The following NHSL2 variants were observed in gnomAD, a reference collection of about 807,000 sequenced individuals.
NHSL2 encodes the protein NHS like 2.
A neutral mutation model predicts 53.4 loss-of-function variants in NHSL2; 27 were observed. That is an observed-to-expected ratio of 0.51 (90% confidence interval 0.37 to 0.70). NHSL2 has a LOEUF of 0.70. Ranked by LOEUF, NHSL2 falls within the 30% of genes least tolerant of loss-of-function variation. The probability of loss-of-function intolerance (pLI) is 0.00; values close to 1 mark genes in which losing one functional copy is unlikely to be tolerated. For synonymous variants in NHSL2, 408 were observed against 404.1 expected, an observed-to-expected ratio of 1.01 and a Z score of -0.12; for missense variants, 892 against 980.1, an observed-to-expected ratio of 0.91 and a Z score of 1.20.
intron 1 of NHSL2, chrX:72,131,247 A>G (rs1378409887): frequency 5.0e-6 from 6 of 1,197,728 alleles, no homozygotes; most frequent in Non-Finnish European, 5.6e-6. Context: ...CATCCGAGAT[A>G]CAGTCGGGCT....
In NHSL2 at chrX:72,047,884, A is replaced by G. The variant is rs188300944; in HGVS notation, c.281-84195A>G. ...GGAGGTAAGGGTTGCCAACTCCACT[A>G]AGCAGAGGGATGTACTCTGAGGGCT... On this transcript the variant is annotated intron_variant, in intron 1 of 7. Transcript: ENST00000633930. 2.0e-3 allele frequency among the ~76,000 whole-genome samples: 221 copies of G among 110,056 alleles called. 1 individual carries two copies. The highest frequency in any genetic ancestry group is 7.0e-4 in the Non-Finnish European group (37 of 52,705).
rs2042491859 is a variant in NHSL2, at chrX:72,149,278, G to C, written c.*5704G>C. ...GTGTTAAGTTTGTTTGGTATTGCCA[G>C]CTCTTAAATACCTGTCTTTACCGTG... On this transcript the variant is annotated 3_prime_UTR_variant, in exon 8 of 8. Transcript: ENST00000633930. 1 of 110,995 alleles carries C rather than the reference G, an allele frequency of 9.0e-6. No individual in the cohort carries two copies. The highest frequency in any genetic ancestry group is 3.3e-5 in the African/African-American group (1 of 30,488). 9.1% of individuals were successfully genotyped at this position (110,995 alleles called of 1,213,427 possible).
At chrX:72,035,676 T>C (rs1026770933) in intron 1 of NHSL2, among the ~76,000 whole-genome samples, 1 of 112,251 alleles carries the variant, frequency 8.9e-6, no homozygotes, top group African/African-American at 3.2e-5. Context: ...TAAGATAGTA[T>C]TTGCTTCAAC....
chrX:72,022,410 AT>A lies in NHSL2; in HGVS notation c.281-109659del, dbSNP rs200892061. Among the ~76,000 whole-genome samples, 155 of 109,196 alleles carry A rather than the reference AT, an allele frequency of 1.4e-3. 4 individuals are homozygous for A. The East Asian group carries it at 0.033, about 24-fold the overall frequency. The allele number at this position is 109,196 out of a possible 115,157, so 94.8% of individuals were successfully genotyped here. On this transcript the variant is annotated intron_variant, in intron 1 of 7. Coordinates refer to ENST00000633930, the MANE Select transcript of NHSL2 (RefSeq NM_001013627.3). ...CCATGGACATGTGGCTTAAACAACA[AT>A]TTTTTTTTTCTTACAGTTCTGGAAG...
At chrX:72,069,402 G>GGAGAGAGAGGGAGGAAGAGA (rs1485636940) in intron 1 of NHSL2, among the ~76,000 whole-genome samples, 1 of 109,493 alleles carries the variant, frequency 9.1e-6, no homozygotes, top group Admixed American at 9.7e-5. Context: ...AAAGGGAGGG[G>GGAGAGAGAGGGAGGAAGAGA]GAGAGAGAGG....
chrX:71,911,699 C>A (rs1213545173), intron 1 of NHSL2, among the ~76,000 whole-genome samples: 1 of 112,728 alleles, frequency 8.9e-6, no homozygotes, highest in Non-Finnish European at 1.9e-5. Context: ...CTCCCCCTAC[C>A]CGCCCACCTA....
Position 72,139,216 on chromosome X carries a change from C to A in NHSL2, c.1668C>A (p.Ser556=). Residue 556 remains serine, a synonymous_variant, in exon 6 of 8, where the codon TCC becomes TCA. Transcript: ENST00000633930. Reference sequence around the variant, plus strand: ...AGGCCCAGCACAGAAGGCAGAGGTCCAAGAGTATCTCACTTAGGAAGGCCA... The same window carrying A: ...AGGCCCAGCACAGAAGGCAGAGGTCAAAGAGTATCTCACTTAGGAAGGCCA... ...QQEAQHRRQR[S]KSISLRKAKK... is the part of the protein sequence containing the mutation. 1 of 1,177,005 alleles carries A rather than the reference C, an allele frequency of 8.5e-7. No homozygotes were observed. The highest frequency in any genetic ancestry group is 1.9e-5 in the South Asian group (1 of 53,252).
chrX:71,975,834 A>G (rs914989805), intron 1 of NHSL2, among the ~76,000 whole-genome samples: 30 of 111,849 alleles, frequency 2.7e-4, no homozygotes, highest in African/African-American at 9.4e-4. Context: ...ATAACAGCCC[A>G]GTGCTGCCAG....
chrX:72,148,843 T>A lies in NHSL2; in HGVS notation c.*5269T>A, dbSNP rs1367747876. 2 of 59,696 alleles carry A rather than the reference T, an allele frequency of 3.4e-5. No homozygotes were observed. Among genetic ancestry groups the A allele is most frequent in the Non-Finnish European group, 6.4e-5 (2 of 31,031 alleles). 4.9% of individuals were successfully genotyped at this position (59,696 alleles called of 1,213,427 possible). ...GAAAGAGAGAGAGAGAGAGTGTATG[T>A]GTGTGTGTGTGTGTGTGTGTGTGTG... is the stretch of plus-strand genomic sequence containing the variant. On this transcript the variant is annotated 3_prime_UTR_variant, in exon 8 of 8. Transcript: ENST00000633930.
chrX:72,136,630 C>T (rs1430438310), intron 4 of NHSL2, among the ~76,000 whole-genome samples: 1 of 111,570 alleles, frequency 9.0e-6, no homozygotes, highest in Admixed American at 9.5e-5. Flanking sequence ...CTCACCTGGC[C>T]CATATAAAGG....
chrX:71,937,098 C>T (rs994126909), intron 1 of NHSL2, among the ~76,000 whole-genome samples: 1 of 112,289 alleles, frequency 8.9e-6, no homozygotes, highest in Non-Finnish European at 1.9e-5. Flanking sequence ...TCAAACTCTA[C>T]ACCCTGTCCT....
At chrX:71,978,787 G>C (rs1247160274) in intron 1 of NHSL2, among the ~76,000 whole-genome samples, 2 of 92,076 alleles carry the variant, frequency 2.2e-5, no homozygotes, top group East Asian at 3.4e-4. Context: ...TATACTGTAA[G>C]TTTTAGGGTA....
chrX:71,989,790 C>T lies in NHSL2; in HGVS notation c.280+78423C>T, dbSNP rs182623473. On this transcript the variant is annotated intron_variant, in intron 1 of 7. Transcript: ENST00000633930. Reference sequence around the variant, plus strand: ...GAACCTGAAGGCAAATGAACCATCCCTATGGGGTGTGGGGAGAGTAGATCA... The same window carrying T: ...GAACCTGAAGGCAAATGAACCATCCTTATGGGGTGTGGGGAGAGTAGATCA... 2.8e-4 allele frequency among the ~76,000 whole-genome samples: 31 copies of T among 112,350 alleles called. No homozygotes were observed. In the East Asian group the frequency reaches 8.3e-3, roughly 30 times the overall value.
chrX:71,969,929 G>A (rs1178088965), intron 1 of NHSL2, among the ~76,000 whole-genome samples: 1 of 111,616 alleles, frequency 9.0e-6, no homozygotes, highest in African/African-American at 3.3e-5. Flanking sequence ...CATTTATCAG[G>A]TTGGGATGTT....
intron 1 of NHSL2, among the ~76,000 whole-genome samples, chrX:72,103,584 T>C (rs1218732369): frequency 9.0e-6 from 1 of 111,601 alleles, no homozygotes; most frequent in African/African-American, 3.3e-5. Context: ...AGCAGAGTAG[T>C]GGCCTCTTCA....
At chrX:71,950,891 G>A (rs770871839) in intron 1 of NHSL2, among the ~76,000 whole-genome samples, 15 of 110,981 alleles carry the variant, frequency 1.4e-4, no homozygotes, top group Middle Eastern at 4.6e-3. Flanking sequence ...CATTTTGACA[G>A]AAGCATTAGA....
At chrX:71,942,457 G>A (rs1050183858) in intron 1 of NHSL2, among the ~76,000 whole-genome samples, 7 of 112,503 alleles carry the variant, frequency 6.2e-5, no homozygotes, top group Non-Finnish European at 1.3e-4. Context: ...TTGTGTCTGA[G>A]CTGATGTTTT....
At chrX:72,085,243 C>G (rs948148592) in intron 1 of NHSL2, among the ~76,000 whole-genome samples, 1 of 112,034 alleles carries the variant, frequency 8.9e-6, no homozygotes, top group South Asian at 3.7e-4. Context: ...CTGTACCACC[C>G]AGCCCCTCTC....
At chrX:72,085,834 C>T (rs1602356334) in intron 1 of NHSL2, among the ~76,000 whole-genome samples, 1 of 108,366 alleles carries the variant, frequency 9.2e-6, no homozygotes, top group African/African-American at 3.4e-5. Flanking sequence ...CTCCCTACCA[C>T]CCGTATGCTG....
Sources: allele counts gnomAD v4.1 joint callset (sites outside exome capture counted in the v4.1 genomes callset), GRCh38; gene constraint gnomAD v4.1.1; transcripts MANE v1.5; gene names NCBI Gene and HGNC (gene_info 2026-07-23, HGNC 2026-07-21).